Variants in RRAGB observed in about 807,000 individuals in gnomAD.
RRAGB encodes Ras related GTP binding B.
RRAGB carries 6 observed loss-of-function variants against 29.3 expected under a neutral mutation model. The observed-to-expected ratio is 0.21, with a 90% confidence interval of 0.11 to 0.40. RRAGB has a LOEUF of 0.40. Ranked by LOEUF, RRAGB falls within the 10% of genes least tolerant of loss-of-function variation. The pLI, the probability that RRAGB is intolerant of heterozygous loss-of-function variation, is 1.00. For missense variants in RRAGB, 184 were observed against 272.9 expected (o/e 0.67, Z 2.29); for synonymous variants, 101 against 92.5 (o/e 1.09, Z -0.53).
At chrX:55,718,560 G>A (rs918895356) in intron 1 of RRAGB, 141 bp downstream of exon 1, 1 of 419,448 alleles carries the variant, frequency 2.4e-6, no homozygotes, top group Non-Finnish European at 4.1e-6. Context: ...ATTATGCTTT[G>A]GACGACAGGA....
chrX:55,733,976 T>C (rs1341571604), intron 5 of RRAGB, among the ~76,000 whole-genome samples: 2 of 109,619 alleles, frequency 1.8e-5, no homozygotes, highest in African/African-American at 6.7e-5. Context: ...TTTCTTTTTT[T>C]TTTTTGAGAC....
chrX:55,755,103 C>A, intron 7 of RRAGB: 3 of 752,228 alleles, frequency 4.0e-6, no homozygotes, highest in Non-Finnish European at 4.7e-6. Flanking sequence ...TTTCACTGAG[C>A]GGGGTGAAGT....
chrX:55,728,072 G>A (rs1407527634), intron 3 of RRAGB, among the ~76,000 whole-genome samples: 2 of 110,983 alleles, frequency 1.8e-5, no homozygotes, highest in African/African-American at 6.6e-5. Context: ...ATAGAGGGGA[G>A]GGAAGTGTAA....
At chrX:55,739,000 T>G (rs1388821993) in intron 5 of RRAGB, among the ~76,000 whole-genome samples, 2 of 112,152 alleles carry the variant, frequency 1.8e-5, no homozygotes, top group Admixed American at 9.4e-5. Flanking sequence ...CACAACTGAC[T>G]CTGCTGCACA....
chrX:55,731,303 G>A, intron 4 of RRAGB, 61 bp from the exon 5 acceptor site: 1 of 846,330 alleles, frequency 1.2e-6, no homozygotes, highest in African/African-American at 2.0e-5. Context: ...ACAAAAATAG[G>A]CTATAAGTAG....
chrX:55,755,811 G>A, intron 7 of RRAGB, 30 bp from the exon 8 acceptor site: 1 of 1,168,077 alleles, frequency 8.6e-7, no homozygotes, highest in Non-Finnish European at 1.2e-6. Context: ...TATTTTGCAT[G>A]GATTCAAAGG....
rs1352805606 is a variant in RRAGB, at chrX:55,729,277, T to C, written c.227-17T>C. ...TCACCTGTTATAATTACTAGATTTG[T>C]CATATTTGTCTTCCAGTTGATGTAG... On this transcript the variant is annotated splice_polypyrimidine_tract_variant and intron_variant, in intron 3 of 9. Coordinates refer to ENST00000374941, the MANE Select transcript of RRAGB (RefSeq NM_006064.5). 2 of 1,129,207 alleles carry C rather than the reference T, an allele frequency of 1.8e-6. No homozygotes were observed. Among genetic ancestry groups the C allele is most frequent in the Non-Finnish European group, 2.4e-6 (2 of 823,187 alleles). 93.1% of individuals were successfully genotyped at this position (1,129,207 alleles called of 1,213,427 possible). A position where few individuals can be genotyped will look rare whatever the true frequency, so the allele number is the denominator to read the frequency against.
chrX:55,718,505 C>T (rs2033140770), intron 1 of RRAGB, 86 bp downstream of exon 1: 2 of 536,903 alleles, frequency 3.7e-6, no homozygotes, highest in Non-Finnish European at 5.9e-6. Context: ...CTCCCCACCC[C>T]GCACCATGAT....
chrX:55,729,048 G>T (rs1008492939), intron 3 of RRAGB, among the ~76,000 whole-genome samples: 1 of 110,599 alleles, frequency 9.0e-6, no homozygotes, highest in Non-Finnish European at 1.9e-5. Context: ...GATTGTTTCT[G>T]CTCTAAGTAT....
intron 3 of RRAGB, among the ~76,000 whole-genome samples, chrX:55,724,272 C>T (rs1238913784): frequency 1.8e-5 from 2 of 112,037 alleles, no homozygotes; most frequent in Non-Finnish European, 3.8e-5. Context: ...TGTTTTAGCC[C>T]ATGATATGTT....
chrX:55,732,893 A>G (rs2033731419), intron 5 of RRAGB, among the ~76,000 whole-genome samples: 1 of 111,580 alleles, frequency 9.0e-6, no homozygotes, highest in African/African-American at 3.3e-5. Context: ...CAGCATTCCA[A>G]TAAATGAGCT....
chrX:55,750,080 G>T (rs1229921849), intron 5 of RRAGB, among the ~76,000 whole-genome samples: 24 of 81,259 alleles, frequency 3.0e-4, no homozygotes, highest in South Asian at 7.4e-4. Context: ...AAAAAAAAAG[G>T]TTATTCTCTA....
At chrX:55,745,285 T>C (rs1033255703) in intron 5 of RRAGB, among the ~76,000 whole-genome samples, 33 of 112,626 alleles carry the variant, frequency 2.9e-4, no homozygotes, top group Middle Eastern at 4.6e-3. Flanking sequence ...GACATAGGAC[T>C]AGAGAGCTGA....
intron 5 of RRAGB, among the ~76,000 whole-genome samples, chrX:55,747,130 CAG>C: frequency 8.9e-6 from 1 of 111,916 alleles, no homozygotes; most frequent in East Asian, 2.8e-4. Context: ...GCAGATACCT[CAG>C]AGGAGACCAT....
intron 5 of RRAGB, among the ~76,000 whole-genome samples, chrX:55,739,293 T>C (rs1437338776): frequency 1.8e-5 from 2 of 112,348 alleles, no homozygotes; most frequent in Non-Finnish European, 3.8e-5. Flanking sequence ...CACTTGCCCC[T>C]CAGTTCTGGC....
chrX:55,729,385 T>C, intron 4 of RRAGB, 25 bp downstream of exon 4: 1 of 1,057,580 alleles, frequency 9.5e-7, no homozygotes, highest in Non-Finnish European at 1.3e-6. Flanking sequence ...CTTACTTGTT[T>C]GTGAAGCCGA....
chrX:55,729,576 G>C (rs1602022194), intron 4 of RRAGB, among the ~76,000 whole-genome samples: 1 of 111,579 alleles, frequency 9.0e-6, no homozygotes, highest in East Asian at 2.8e-4. Context: ...GCTAATCCAA[G>C]CTCCATCTAG....
chrX:55,732,322 T>A (rs1761939582), intron 5 of RRAGB, among the ~76,000 whole-genome samples: 2 of 111,953 alleles, frequency 1.8e-5, no homozygotes, highest in Admixed American at 1.9e-4. Flanking sequence ...GTCTGTCTAG[T>A]TTGCTCAGTA....
At chrX:55,728,208 T>C (rs1383932001) in intron 3 of RRAGB, among the ~76,000 whole-genome samples, 1 of 111,929 alleles carries the variant, frequency 8.9e-6, no homozygotes, top group Non-Finnish European at 1.9e-5. Context: ...CATAAAAATA[T>C]GGATTTCCCA....
Sources: gnomAD v4.1 joint callset for allele counts (sites outside exome capture counted in the v4.1 genomes callset) on GRCh38, gnomAD v4.1.1 for gene constraint, MANE v1.5 for transcripts, NCBI Gene and HGNC (gene_info 2026-07-23, HGNC 2026-07-21) for gene names.